Variants in BRIP1 observed in about 807,000 individuals in gnomAD.
BRIP1 encodes the protein Fanconi anemia group J protein.
BRIP1 carries 88 observed loss-of-function variants against 119.7 expected under a neutral mutation model. That is an observed-to-expected ratio of 0.74 (90% CI 0.62 to 0.88). BRIP1 has a LOEUF of 0.88. Ranked by LOEUF, BRIP1 falls within the 40% of genes least tolerant of loss-of-function variation. The probability of loss-of-function intolerance (pLI) is 0.00; values close to 1 mark genes in which losing one functional copy is unlikely to be tolerated. For missense variants in BRIP1, 1,259 were observed against 1,455.4 expected, an observed-to-expected ratio of 0.87 and a Z score of 2.20; for synonymous variants, 443 against 496.5, an observed-to-expected ratio of 0.89 and a Z score of 1.43.
At chr17:61,773,025 A>T (rs1417500245) in intron 14 of BRIP1, among the ~76,000 whole-genome samples, 1 of 151,960 alleles carries the variant, frequency 6.6e-6, no homozygotes, top group African/African-American at 2.4e-5. Flanking sequence ...TATGTATAAG[A>T]ATTATTTTGA....
rs2078424969 is a variant in BRIP1, at chr17:61,827,327, T to C, written c.628-18570A>G. Among the ~76,000 whole-genome samples, 1 of 152,122 alleles carries C rather than the reference T, an allele frequency of 6.6e-6. No homozygotes were observed. Among genetic ancestry groups the C allele is most frequent in the East Asian group, 1.9e-4 (1 of 5,188 alleles). The stretch of plus-strand genomic sequence containing the variant: ...GAAAAATAACTAATGGGTACTAGGC[T>C]TAATACCTGGGTGACAAAATAATCT... On this transcript the variant is annotated intron_variant, in intron 6 of 19. Transcript: ENST00000259008. The surrounding 1 kb of genome is among the most constrained non-coding windows in gnomAD (Gnocchi z 5.8).
rs939460884 is a variant in BRIP1, at chr17:61,689,395, A to G, written c.2576-3230T>C. 6.6e-6 allele frequency among the ~76,000 whole-genome samples: 1 copy of G among 152,136 alleles called. No individual in the cohort carries two copies. Among genetic ancestry groups the G allele is most frequent in the African/African-American group, 2.4e-5 (1 of 41,424 alleles). On this transcript the variant is annotated intron_variant, in intron 18 of 19. Transcript: ENST00000259008. This position sits in a 1 kb window ranked among gnomAD's most constrained non-coding sequence, Gnocchi z 4.5. ...GTAAAAAACAAAATGGAAAAAAAAAAGTGAAGGCTTATGGCTTCATTTATG... is the reference window on the plus strand; with the variant it reads ...GTAAAAAACAAAATGGAAAAAAAAAGGTGAAGGCTTATGGCTTCATTTATG...
chr17:61,818,983 C>T (rs1002513446), intron 6 of BRIP1, among the ~76,000 whole-genome samples: 6 of 151,980 alleles, frequency 3.9e-5, no homozygotes, highest in South Asian at 2.1e-4. Flanking sequence ...GTCAGTAGTT[C>T]GAGACCAGCC....
rs1016000236 is a variant in BRIP1 at position 61,700,970 on chromosome 17, T to C, written c.2493-7458A>G. On this transcript the variant is annotated intron_variant, in intron 17 of 19. Transcript: ENST00000259008. This position sits in a 1 kb window ranked among gnomAD's most constrained non-coding sequence, Gnocchi z 4.1. ...ATATTTCATTTTAGCTATTATACTT[T>C]CCAACTCCAGAATTTCCATTAGGTT... 2.0e-5 allele frequency among the ~76,000 whole-genome samples: 3 copies of C among 152,190 alleles called. No individual in the cohort carries two copies. Among genetic ancestry groups the C allele is most frequent in the African/African-American group, 7.2e-5 (3 of 41,450 alleles).
rs897557213 is a variant in BRIP1, at chr17:61,722,580, A to G, written c.2380-6517T>C. Among the ~76,000 whole-genome samples, 3 of 152,202 alleles carry G rather than the reference A, an allele frequency of 2.0e-5. No homozygotes were observed. Among genetic ancestry groups the G allele is most frequent in the South Asian group, 2.1e-4 (1 of 4,838 alleles). Reference sequence around the variant, plus strand: ...TTCTTTAACAATATTTTCCTCAAAGAAAGTTGACATCTACTTTGTCAGACA... The same window carrying G: ...TTCTTTAACAATATTTTCCTCAAAGGAAGTTGACATCTACTTTGTCAGACA... On this transcript the variant is annotated intron_variant, in intron 16 of 19. Transcript: ENST00000259008. This position sits in a 1 kb window ranked among gnomAD's most constrained non-coding sequence, Gnocchi z 4.6.
Position 61,680,279 on chromosome 17 carries a change from G to A in BRIP1, c.*3017C>T, listed in dbSNP as rs767907960. On this transcript the variant is annotated 3_prime_UTR_variant, in exon 20 of 20. Coordinates refer to ENST00000259008, the MANE Select transcript of BRIP1 (RefSeq NM_032043.3). ...AGACATGAGAATCGCTTTAACCTGC[G>A]AGGCAGAGGTTGCAGTGAGCCAAGA... Among the ~76,000 whole-genome samples the A allele has an allele frequency of 2.6e-5, 4 of 151,574 alleles. No individual in the cohort carries two copies. Among genetic ancestry groups the A allele is most frequent in the Non-Finnish European group, 5.9e-5 (4 of 67,958 alleles).
At position 61,703,541 on chromosome 17, in the gene BRIP1, G is replaced by A. The variant is rs371796079; in HGVS notation, c.2493-10029C>T. On this transcript the variant is annotated intron_variant, in intron 17 of 19. Transcript: ENST00000259008. The surrounding 1 kb of genome is among the most constrained non-coding windows in gnomAD (Gnocchi z 5.0). ...TCCTTATGGATTCTGGATATTAGACGTTTGTAAGATGCATAGTTTGCAAAC... is the reference window on the plus strand; with the variant it reads ...TCCTTATGGATTCTGGATATTAGACATTTGTAAGATGCATAGTTTGCAAAC... 3.0e-4 allele frequency among the ~76,000 whole-genome samples: 46 copies of A among 152,114 alleles called. No individual in the cohort carries two copies. The highest frequency in any genetic ancestry group is 1.1e-3 in the African/African-American group (44 of 41,410).
In BRIP1 at chr17:61,780,485, T is replaced by C; in HGVS notation, c.1795-84A>G. On this transcript the variant is annotated intron_variant, in intron 12 of 19. Transcript: ENST00000259008. The surrounding 1 kb of genome is among the most constrained non-coding windows in gnomAD (Gnocchi z 5.4). ...GCTCACACCTGTAATCCCAGCACTT[T>C]GGGAGGCTGAAGCAGGAAGATCGCT... 2 of 1,246,490 alleles carry C rather than the reference T, an allele frequency of 1.6e-6. No homozygotes were observed. Among genetic ancestry groups the C allele is most frequent in the Non-Finnish European group, 2.3e-6 (2 of 851,844 alleles). The allele number at this position is 1,246,490 out of a possible 1,614,324, so 77.2% of individuals were successfully genotyped here. A position where few individuals can be genotyped will look rare whatever the true frequency, so the allele number is the denominator to read the frequency against.
At position 61,823,044 on chromosome 17, in the gene BRIP1, G is replaced by T. The variant is rs1196276862; in HGVS notation, c.628-14287C>A. 6.6e-6 allele frequency among the ~76,000 whole-genome samples: 1 copy of T among 152,160 alleles called. No homozygotes were observed. Among genetic ancestry groups the T allele is most frequent in the East Asian group, 1.9e-4 (1 of 5,190 alleles). ...TGACATTTTTACTGCCCTGATGTGTGCCTACTTCACTAAACCTCAAAAGCA... is the reference window on the plus strand; with the variant it reads ...TGACATTTTTACTGCCCTGATGTGTTCCTACTTCACTAAACCTCAAAAGCA... On this transcript the variant is annotated intron_variant, in intron 6 of 19. Coordinates refer to ENST00000259008, the MANE Select transcript of BRIP1 (RefSeq NM_032043.3). This position sits in a 1 kb window ranked among gnomAD's most constrained non-coding sequence, Gnocchi z 4.8.
intron 17 of BRIP1, among the ~76,000 whole-genome samples, chr17:61,714,800 ATT>A (rs35246906): frequency 0.034 from 4,411 of 129,004 alleles, 247 homozygotes; most frequent in African/African-American, 0.12. Context: ...TGATTTGCTA[ATT>A]TTTTTTTTTT....
At chr17:61,719,126 GAT>G (rs1052420775) in intron 16 of BRIP1, among the ~76,000 whole-genome samples, 1 of 151,646 alleles carries the variant, frequency 6.6e-6, no homozygotes, top group African/African-American at 2.4e-5. Flanking sequence ...CCTAAATAAA[GAT>G]ATGTGGAGTT....
At position 61,859,850 on chromosome 17, in the gene BRIP1, C is replaced by T. The variant is rs1603367704; in HGVS notation, c.151G>A (p.Gly51Arg). 1.9e-6 allele frequency: 3 copies of T among 1,613,874 alleles called. No homozygotes were observed. The African/African-American group carries it at 4.0e-5, about 22-fold the overall frequency. The change falls in exon 3 of 20, where the codon GGA (glycine) becomes AGA (arginine). Residue 51 changes from glycine (G) to arginine (R), a missense_variant. Around this residue, in one of 3 missense-constraint regions of BRIP1, gnomAD observed 501 missense variants for 544.0 expected, o/e 0.92. Transcript: ENST00000259008. The part of the protein sequence containing the change: ...HCLLESPTGS[G>R]KSLALLCSAL... The stretch of plus-strand genomic sequence containing the variant: ...GAACAAAGTAAGGCTAAGCTTTTTC[C>T]ACTTCCTGTGGGACTCTCCAACAAA...
chr17:61,774,542 A>C lies in BRIP1; in HGVS notation c.2097+1859T>G, dbSNP rs1484780087. Among the ~76,000 whole-genome samples the C allele has an allele frequency of 2.0e-5, 3 of 152,186 alleles. No individual in the cohort carries two copies. Among genetic ancestry groups the C allele is most frequent in the Non-Finnish European group, 4.4e-5 (3 of 68,040 alleles). ...TGGCACATGTATACGTATGTAACAA[A>C]CCTGCACGTTGTGCACATGTACCCT... On this transcript the variant is annotated intron_variant, in intron 14 of 19. Transcript: ENST00000259008. This position sits in a 1 kb window ranked among gnomAD's most constrained non-coding sequence, Gnocchi z 5.8.
rs113210204 is a variant in BRIP1 at position 61,784,187 on chromosome 17, A to G, written c.1628+83T>C. ...TTCAATTCTCCTATTTACTCACCCAAAATAGGTATGTATTAAACACATGCT... is the reference window on the plus strand; with the variant it reads ...TTCAATTCTCCTATTTACTCACCCAGAATAGGTATGTATTAAACACATGCT... On this transcript the variant is annotated intron_variant, in intron 11 of 19. Coordinates refer to ENST00000259008, the MANE Select transcript of BRIP1 (RefSeq NM_032043.3). 1,654 of 1,258,376 alleles carry G rather than the reference A, an allele frequency of 1.3e-3. 13 individuals carry two copies. In the African/African-American group the frequency reaches 0.022, roughly 17 times the overall value. 78.0% of individuals were successfully genotyped at this position (1,258,376 alleles called of 1,614,324 possible).
In BRIP1 at chr17:61,789,044, G is replaced by A. The variant is rs1423154845; in HGVS notation, c.1473+4553C>T. 1.3e-5 allele frequency among the ~76,000 whole-genome samples: 2 copies of A among 151,998 alleles called. No homozygotes were observed. Among genetic ancestry groups the A allele is most frequent in the East Asian group, 3.9e-4 (2 of 5,184 alleles). On this transcript the variant is annotated intron_variant, in intron 10 of 19. Transcript: ENST00000259008. The surrounding 1 kb of genome is among the most constrained non-coding windows in gnomAD (Gnocchi z 4.8). Reference sequence around the variant, plus strand: ...TGGGAGGCGGAGGTTGCAGTGGGCTGAGATCACACCACTGCACTCCAGCCT... The same window carrying A: ...TGGGAGGCGGAGGTTGCAGTGGGCTAAGATCACACCACTGCACTCCAGCCT...
rs1404153181 is a variant in BRIP1, at chr17:61,799,752, AACAAT to A, written c.1141-458_1141-454del. Among the ~76,000 whole-genome samples, 2 of 152,314 alleles carry A rather than the reference AACAAT, an allele frequency of 1.3e-5. No individual in the cohort carries two copies. Among genetic ancestry groups the A allele is most frequent in the East Asian group, 1.9e-4 (1 of 5,190 alleles). On this transcript the variant is annotated intron_variant, in intron 8 of 19. Transcript: ENST00000259008. The surrounding 1 kb of genome is among the most constrained non-coding windows in gnomAD (Gnocchi z 5.1). Reference sequence around the variant, plus strand: ...AGCATAAAACCTTTAAAAGTAAAATAACAATACAAGATTAAAATGACTCTTAAAAT... The same window carrying A: ...AGCATAAAACCTTTAAAAGTAAAATAACAAGATTAAAATGACTCTTAAAAT...
chr17:61,780,197 G>A lies in BRIP1; in HGVS notation c.1935+64C>T. The A allele has an allele frequency of 6.6e-7, 1 of 1,510,284 alleles. No individual in the cohort carries two copies. Among genetic ancestry groups the A allele is most frequent in the South Asian group, 1.2e-5 (1 of 85,546 alleles). The allele number at this position is 1,510,284 out of a possible 1,614,324, so 93.6% of individuals were successfully genotyped here. The stretch of plus-strand genomic sequence containing the variant: ...TGGCACTTCAGGTATCTTCTAACTT[G>A]TTTACATAGTTATATTGAAGTAGAA... On this transcript the variant is annotated intron_variant, in intron 13 of 19. Coordinates refer to ENST00000259008, the MANE Select transcript of BRIP1 (RefSeq NM_032043.3). This position sits in a 1 kb window ranked among gnomAD's most constrained non-coding sequence, Gnocchi z 5.4.
intron 4 of BRIP1, among the ~76,000 whole-genome samples, chr17:61,849,874 T>C (rs1175616011): frequency 6.6e-6 from 1 of 152,206 alleles, no homozygotes; most frequent in Non-Finnish European, 1.5e-5. Flanking sequence ...CCAACATCCA[T>C]ACATGTAACC....
intron 5 of BRIP1, 73 bp downstream of exon 5, chr17:61,849,056 A>T (rs2145759250): frequency 1.3e-6 from 2 of 1,532,982 alleles, no homozygotes; most frequent in Non-Finnish European, 1.8e-6. Context: ...CAAGTGCATT[A>T]AAAACATGAT....
Sources: gnomAD v4.1 joint callset for allele counts (sites outside exome capture counted in the v4.1 genomes callset) on GRCh38, gnomAD v4.1.1 for gene constraint, gnomAD v4.1.1 regional missense constraint, Gnocchi (gnomAD v3.1) non-coding constraint, MANE v1.5 for transcripts, NCBI Gene and HGNC (gene_info 2026-07-23, HGNC 2026-07-21) for gene names.